Variants in PCDH17 observed in about 807,000 individuals in gnomAD.
PCDH17 encodes the protein protocadherin-17.
A neutral mutation model predicts 67.7 loss-of-function variants in PCDH17; 21 were observed. The observed-to-expected ratio is 0.31, with a 90% CI of 0.22 to 0.45. The LOEUF (loss-of-function observed/expected upper bound fraction) is 0.45. Ranked by LOEUF, PCDH17 falls within the 20% of genes least tolerant of loss-of-function variation. The probability of loss-of-function intolerance (pLI) is 1.00; values close to 1 mark genes in which losing one functional copy is unlikely to be tolerated. For synonymous variants in PCDH17, 701 were observed against 656.7 expected (o/e 1.07, Z -1.03); for missense variants, 1,471 against 1,564.8 (o/e 0.94, Z 1.01).
rs1955262133 is a variant in PCDH17 at position 57,666,839 on chromosome 13, T to C, written c.2797+6T>C. 7 of 1,598,950 alleles carry C rather than the reference T, an allele frequency of 4.4e-6. No individual in the cohort carries two copies. The highest frequency in any genetic ancestry group is 6.0e-6 in the Non-Finnish European group (7 of 1,171,232). Reference sequence around the variant, plus strand: ...AAGCCAACCACTTGAACAAGGTGAGTGAAGTCTTCCAATGCTTACAAAGTG... The same window carrying C: ...AAGCCAACCACTTGAACAAGGTGAGCGAAGTCTTCCAATGCTTACAAAGTG... On this transcript the variant is annotated splice_donor_region_variant and intron_variant, in intron 3 of 3. Transcript: ENST00000377918.
chr13:57,632,279 A>T lies in PCDH17; in HGVS notation c.-268A>T, dbSNP rs1954735231. On this transcript the variant is annotated 5_prime_UTR_variant, in exon 1 of 4. In the 5' UTR this introduces an upstream ATG that the reference lacks. Coordinates refer to ENST00000377918, the MANE Select transcript of PCDH17 (RefSeq NM_001040429.3). ...CCCTGGCTCACCCCCAGCCGCAGGA[A>T]GCCACCGCCTTGCTCCAAGCCCCTG... is the stretch of plus-strand genomic sequence containing the variant. The T allele has an allele frequency of 9.9e-6, 5 of 506,672 alleles. No individual in the cohort carries two copies. The highest frequency in any genetic ancestry group is 1.7e-5 in the Non-Finnish European group (5 of 287,590). The allele number at this position is 506,672 out of a possible 1,614,324, so 31.4% of individuals were successfully genotyped here.
Position 57,725,371 on chromosome 13 carries a change from C to A in PCDH17, c.*77C>A. ...AAAAATGATCCCTCCTGGTGATAACCCATTTTACAGGGATGAAGAAAGACC... is the reference window on the plus strand; with the variant it reads ...AAAAATGATCCCTCCTGGTGATAACACATTTTACAGGGATGAAGAAAGACC... On this transcript the variant is annotated 3_prime_UTR_variant, in exon 4 of 4. Coordinates refer to ENST00000377918, the MANE Select transcript of PCDH17 (RefSeq NM_001040429.3). 1 of 1,313,868 alleles carries A rather than the reference C, an allele frequency of 7.6e-7. No individual in the cohort carries two copies. Among genetic ancestry groups the A allele is most frequent in the Non-Finnish European group, 1.0e-6 (1 of 954,598 alleles). 81.4% of individuals were successfully genotyped at this position (1,313,868 alleles called of 1,614,324 possible). A position where few individuals can be genotyped will look rare whatever the true frequency, so the allele number is the denominator to read the frequency against.
At chr13:57,713,079 G>A (rs1955790257) in intron 3 of PCDH17, among the ~76,000 whole-genome samples, 1 of 151,144 alleles carries the variant, frequency 6.6e-6, no homozygotes, top group Admixed American at 6.6e-5. Context: ...TAGCTTTTTT[G>A]CCCCTCAGTT....
intron 3 of PCDH17, among the ~76,000 whole-genome samples, chr13:57,677,926 G>C (rs911655304): frequency 3.3e-5 from 5 of 151,766 alleles, no homozygotes; most frequent in African/African-American, 4.8e-5. Context: ...GAGGATTAGA[G>C]AGATGTTAGT....
chr13:57,639,095 T>C (rs1566216513), intron 1 of PCDH17, among the ~76,000 whole-genome samples: 2 of 151,944 alleles, frequency 1.3e-5, no homozygotes, highest in Admixed American at 6.6e-5. Flanking sequence ...TCTCTACTTG[T>C]AGGCATTCTG....
chr13:57,655,555 G>A (rs1254898448), intron 1 of PCDH17, among the ~76,000 whole-genome samples: 2 of 151,798 alleles, frequency 1.3e-5, no homozygotes, highest in African/African-American at 2.4e-5. Context: ...CATTTAAAAA[G>A]GTAGGTATTC....
At chr13:57,667,445 TTTA>T (rs1296713638) in intron 3 of PCDH17, among the ~76,000 whole-genome samples, 2 of 152,084 alleles carry the variant, frequency 1.3e-5, no homozygotes, top group African/African-American at 2.4e-5. Flanking sequence ...CTCATGACTT[TTTA>T]TTAATTTTAA....
rs1955903310 is a variant in PCDH17, at chr13:57,725,071, G to A, written c.3257G>A (p.Arg1086Lys). Residue 1086 changes from arginine to lysine, a missense_variant, in exon 4 of 4, where the codon AGA becomes AAA. By Grantham distance (26) the Arg-to-Lys change is conservative. This residue lies in a region of PCDH17 where 297 missense variants were observed against 298.6 expected (regional missense o/e 0.99). Transcript: ENST00000377918. Reference sequence around the variant, plus strand: ...TATCTGTCACCTAGTAAGCAACCAAGAGACCCTCCCTTCATGGCTTCCGAT... The same window carrying A: ...TATCTGTCACCTAGTAAGCAACCAAAAGACCCTCCCTTCATGGCTTCCGAT... ...SQYLSPSKQP[R>K]DPPFMASDQM... is the part of the protein sequence containing the mutation. The A allele has an allele frequency of 6.2e-7, 1 of 1,614,026 alleles. No homozygotes were observed. The highest frequency in any genetic ancestry group is 1.3e-5 in the African/African-American group (1 of 74,930).
chr13:57,706,309 C>G (rs1043325738), intron 3 of PCDH17, among the ~76,000 whole-genome samples: 1 of 152,014 alleles, frequency 6.6e-6, no homozygotes, highest in African/African-American at 2.4e-5. Context: ...TATTTGTGAA[C>G]CATAAAATGG....
intron 3 of PCDH17, among the ~76,000 whole-genome samples, chr13:57,678,476 C>T (rs1955416119): frequency 6.6e-6 from 1 of 151,464 alleles, no homozygotes; most frequent in Admixed American, 6.6e-5. Context: ...ATAAACTCTT[C>T]TGTAAAGAAA....
upstream of PCDH17, among the ~76,000 whole-genome samples, chr13:57,630,723 C>G (rs190488759): frequency 6.6e-6 from 1 of 152,132 alleles, no homozygotes; most frequent in South Asian, 2.1e-4. Flanking sequence ...TCTTTTTCCC[C>G]AAAAACATGA....
intron 1 of PCDH17, among the ~76,000 whole-genome samples, chr13:57,665,365 T>A (rs1253680676): frequency 1.3e-5 from 2 of 152,090 alleles, no homozygotes; most frequent in African/African-American, 2.4e-5. Flanking sequence ...TGCTTTATAT[T>A]ATTATATGGG....
intron 3 of PCDH17, among the ~76,000 whole-genome samples, chr13:57,722,482 G>T (rs1354277768): frequency 6.6e-6 from 1 of 152,016 alleles, no homozygotes; most frequent in Non-Finnish European, 1.5e-5. Flanking sequence ...TTATCTATTT[G>T]TTGAAATGAT....
At chr13:57,720,473 T>G in intron 3 of PCDH17, among the ~76,000 whole-genome samples, 1 of 152,052 alleles carries the variant, frequency 6.6e-6, no homozygotes, top group African/African-American at 2.4e-5. Flanking sequence ...ATACATAAAA[T>G]ATTGTTATTT....
At chr13:57,639,707 A>G (rs1310921566) in intron 1 of PCDH17, among the ~76,000 whole-genome samples, 1 of 151,962 alleles carries the variant, frequency 6.6e-6, no homozygotes, top group Non-Finnish European at 1.5e-5. Flanking sequence ...TGTGAGTTCT[A>G]TAATTTCAAT....
In PCDH17 at chr13:57,632,519, G is replaced by T; in HGVS notation, c.-28G>T. ...CCTCTCTGGCTCCTCCAGTCCGATT[G>T]CTCCTGCCCCCACCTTACAGGTCTG... is the stretch of plus-strand genomic sequence containing the variant. On this transcript the variant is annotated 5_prime_UTR_variant, in exon 1 of 4. Coordinates refer to ENST00000377918, the MANE Select transcript of PCDH17 (RefSeq NM_001040429.3). The T allele has an allele frequency of 1.2e-6, 2 of 1,601,028 alleles. No homozygotes were observed. The highest frequency in any genetic ancestry group is 8.5e-7 in the Non-Finnish European group (1 of 1,173,618).
intron 3 of PCDH17, among the ~76,000 whole-genome samples, chr13:57,716,050 A>G (rs187503534): frequency 1.6e-4 from 24 of 152,084 alleles, no homozygotes; most frequent in Admixed American, 1.6e-3. Context: ...TGGAATGCCT[A>G]TTCCAGTGAA....
chr13:57,655,686 C>T (rs768569080), intron 1 of PCDH17, among the ~76,000 whole-genome samples: 3 of 151,652 alleles, frequency 2.0e-5, no homozygotes, highest in Non-Finnish European at 4.4e-5. Flanking sequence ...TTAATGTTAT[C>T]GATCAAAGAA....
At chr13:57,638,965 A>G (rs1954858455) in intron 1 of PCDH17, among the ~76,000 whole-genome samples, 1 of 152,094 alleles carries the variant, frequency 6.6e-6, no homozygotes, top group African/African-American at 2.4e-5. Context: ...AGTAACAAAT[A>G]CAAAGTGCGT....
Sources: gnomAD v4.1 joint callset for allele counts (sites outside exome capture counted in the v4.1 genomes callset) on GRCh38, gnomAD v4.1.1 for gene constraint, gnomAD v4.1.1 regional missense constraint, MANE v1.5 for transcripts, NCBI Gene and HGNC (gene_info 2026-07-23, HGNC 2026-07-21) for gene names.